The following MAP3K14 variants were observed in gnomAD, a reference collection of about 807,000 sequenced individuals.
The protein encoded by MAP3K14 is mitogen-activated protein kinase kinase kinase 14.
MAP3K14 carries 16 observed loss-of-function variants against 99.2 expected under a neutral mutation model. The observed-to-expected ratio is 0.16, with a 90% CI of 0.11 to 0.24. The LOEUF is 0.24. MAP3K14 is among the 10% of genes least tolerant of loss of function. The pLI is 1.00. For missense variants in MAP3K14, 784 were observed against 1,208.7 expected (o/e 0.65, Z 5.21); for synonymous variants, 462 against 492.4 (o/e 0.94, Z 0.82).
chr17:45,300,944 A>G (rs1415013227), intron 1 of MAP3K14, among the ~76,000 whole-genome samples: 1 of 152,046 alleles, frequency 6.6e-6, no homozygotes, highest in African/African-American at 2.4e-5. Context: ...AGGCAGGAGG[A>G]TTGCTTGAGT....
chr17:45,289,339 G>GA (rs750005140), intron 2 of MAP3K14, 34 bp from the exon 3 acceptor site: 14 of 1,562,014 alleles, frequency 9.0e-6, no homozygotes, highest in South Asian at 7.8e-5. Flanking sequence ...GCAGAGAGGA[G>GA]AAAAAATAGG....
chr17:45,273,865 G>A (rs908583700), intron 8 of MAP3K14: 4 of 642,032 alleles, frequency 6.2e-6, no homozygotes, highest in South Asian at 1.8e-5. Context: ...GCTCGCCTGC[G>A]CCGACCCCAT....
chr17:45,275,100 G>C (rs1025033946), intron 6 of MAP3K14, among the ~76,000 whole-genome samples: 36 of 150,714 alleles, frequency 2.4e-4, no homozygotes, highest in East Asian at 2.4e-3. Flanking sequence ...GATTGCGCCA[G>C]TGCACTCCAG....
intron 1 of MAP3K14, among the ~76,000 whole-genome samples, chr17:45,293,652 C>T (rs1033700700): frequency 6.6e-6 from 1 of 152,182 alleles, no homozygotes; most frequent in Non-Finnish European, 1.5e-5. Flanking sequence ...CTCTCAGGGG[C>T]ACAAATCACG....
rs1330841533 is a variant in MAP3K14, at chr17:45,267,523, ACTC to A, written c.2206_2208del (p.Glu736del). 6.2e-7 allele frequency: 1 copy of A among 1,612,462 alleles called. No individual in the cohort carries two copies. Among genetic ancestry groups the A allele is most frequent in the Admixed American group, 1.7e-5 (1 of 59,816 alleles). On this transcript the variant is annotated inframe_deletion, in exon 12 of 16. Coordinates refer to ENST00000344686, the MANE Select transcript of MAP3K14 (RefSeq NM_003954.5). The surrounding 1 kb of genome is among the most constrained non-coding windows in gnomAD (Gnocchi z 5.1). ...AGAGGTAAGGGTTCCCACATCCCAGACTCCTCCTTGCTCAAAGTCAAGGGAGGA... is the reference window on the plus strand; with the variant it reads ...AGAGGTAAGGGTTCCCACATCCCAGACTCCTTGCTCAAAGTCAAGGGAGGA...
At chr17:45,313,373 T>G (rs2044499340) in intron 1 of MAP3K14, among the ~76,000 whole-genome samples, 1 of 152,250 alleles carries the variant, frequency 6.6e-6, no homozygotes, top group Non-Finnish European at 1.5e-5. Context: ...TGTTCTGTGC[T>G]GGGCACTGGG....
chr17:45,289,158 C>A, intron 3 of MAP3K14, 78 bp downstream of exon 3: 1 of 1,294,522 alleles, frequency 7.7e-7, no homozygotes. Flanking sequence ...TCAGCAGGAG[C>A]GGCCCAGGCA....
chr17:45,264,534 G>A lies in MAP3K14; in HGVS notation c.*102C>T, dbSNP rs2044054245. 1.4e-6 allele frequency: 2 copies of A among 1,392,102 alleles called. No homozygotes were observed. The highest frequency in any genetic ancestry group is 1.9e-6 in the Non-Finnish European group (2 of 1,057,216). 86.2% of individuals were successfully genotyped at this position (1,392,102 alleles called of 1,614,324 possible). A position where few individuals can be genotyped will look rare whatever the true frequency, so the allele number is the denominator to read the frequency against. On this transcript the variant is annotated 3_prime_UTR_variant, in exon 16 of 16. Transcript: ENST00000344686. Reference sequence around the variant, plus strand: ...TGGTCCCACTGCTGAGCCGGGGGCTGGCAGATCCCTGGGAACGGCTGAGCC... The same window carrying A: ...TGGTCCCACTGCTGAGCCGGGGGCTAGCAGATCCCTGGGAACGGCTGAGCC...
intron 6 of MAP3K14, among the ~76,000 whole-genome samples, chr17:45,283,586 G>A (rs2044240355): frequency 6.6e-6 from 1 of 152,214 alleles, no homozygotes; most frequent in Admixed American, 6.5e-5. Flanking sequence ...GGCAGCGTCT[G>A]CTCTGAATGG....
At chr17:45,315,303 G>C (rs2044521342) in intron 1 of MAP3K14, among the ~76,000 whole-genome samples, 1 of 152,064 alleles carries the variant, frequency 6.6e-6, no homozygotes, top group Non-Finnish European at 1.5e-5. Context: ...CTTCAGAACT[G>C]CTTCTTATAA....
chr17:45,312,652 C>T (rs2044491000), intron 1 of MAP3K14, among the ~76,000 whole-genome samples: 1 of 152,184 alleles, frequency 6.6e-6, no homozygotes, highest in African/African-American at 2.4e-5. Context: ...AGTGATCCTC[C>T]CGCCTCAGCC....
intron 1 of MAP3K14, among the ~76,000 whole-genome samples, chr17:45,294,145 C>T (rs1421629978): frequency 6.6e-6 from 1 of 152,238 alleles, no homozygotes; most frequent in East Asian, 1.9e-4. Context: ...TTATTCACGC[C>T]CCAAAGGCAT....
chr17:45,298,794 A>C (rs1459599831), intron 1 of MAP3K14, among the ~76,000 whole-genome samples: 2 of 152,208 alleles, frequency 1.3e-5, no homozygotes, highest in African/African-American at 2.4e-5. Flanking sequence ...TCCCTTGAGG[A>C]TCTTACAGTC....
rs922237736 is a variant in MAP3K14, at chr17:45,287,280, C to G, written c.411G>C (p.Lys137Asn). ...GKMARVCWKG[K>N]RRSKARKKRK... ...GTTTCTTCCGGGCTTTGCTGCGACG[C>G]TTTCCCTTCCAACACACACGGGCCA... Residue 137 changes from lysine to asparagine, a missense_variant, in exon 4 of 16, where the codon AAG (lysine) becomes AAC (asparagine). Around this residue, in one of 5 missense-constraint regions of MAP3K14, gnomAD observed 188 missense variants for 313.0 expected, o/e 0.60. Coordinates refer to ENST00000344686, the MANE Select transcript of MAP3K14 (RefSeq NM_003954.5). 3.7e-6 allele frequency: 6 copies of G among 1,613,926 alleles called. No individual in the cohort carries two copies. The highest frequency in any genetic ancestry group is 5.1e-6 in the Non-Finnish European group (6 of 1,179,912).
At position 45,264,181 on chromosome 17, in the gene MAP3K14, T is replaced by C; in HGVS notation, c.*455A>G. 6.4e-6 allele frequency: 1 copy of C among 156,960 alleles called. No individual in the cohort carries two copies. Among genetic ancestry groups the C allele is most frequent in the Non-Finnish European group, 1.4e-5 (1 of 71,100 alleles). The allele number at this position is 156,960 out of a possible 1,614,324, so 9.7% of individuals were successfully genotyped here. On this transcript the variant is annotated 3_prime_UTR_variant, in exon 16 of 16. Coordinates refer to ENST00000344686, the MANE Select transcript of MAP3K14 (RefSeq NM_003954.5). ...GCGGGCATACCTGCTGACCTGGTTC[T>C]GCACTGAACCTGAGTTTGGGCCCTT...
rs59923704 is a variant in MAP3K14, at chr17:45,302,383, C to T, written c.-20-11618G>A. ...AGTGCAACGGTGCGATCTTGGCTTA[C>T]TGCAACTTCCGCCTCTTGGGTTCAA... On this transcript the variant is annotated intron_variant, in intron 1 of 15. Transcript: ENST00000344686. Among the ~76,000 whole-genome samples the T allele has an allele frequency of 9.8e-5, 15 of 152,286 alleles. No individual in the cohort carries two copies. In the East Asian group the frequency reaches 2.9e-3, roughly 29 times the overall value.
chr17:45,267,318 C>T lies in MAP3K14; in HGVS notation c.2326+88G>A, dbSNP rs1407078282. ...GCTGGGGAAGGGGCTGGAAGAAAGCCCACACCGCAGGTAAAGAGAAACACC... is the reference window on the plus strand; with the variant it reads ...GCTGGGGAAGGGGCTGGAAGAAAGCTCACACCGCAGGTAAAGAGAAACACC... On this transcript the variant is annotated intron_variant, in intron 12 of 15. Coordinates refer to ENST00000344686, the MANE Select transcript of MAP3K14 (RefSeq NM_003954.5). This position sits in a 1 kb window ranked among gnomAD's most constrained non-coding sequence, Gnocchi z 5.1. 1.4e-6 allele frequency: 2 copies of T among 1,454,880 alleles called. No individual in the cohort carries two copies. The highest frequency in any genetic ancestry group is 5.0e-5 in the East Asian group (2 of 40,360). The allele number at this position is 1,454,880 out of a possible 1,614,324, so 90.1% of individuals were successfully genotyped here. A position where few individuals can be genotyped will look rare whatever the true frequency, so the allele number is the denominator to read the frequency against.
intron 6 of MAP3K14, among the ~76,000 whole-genome samples, chr17:45,277,188 A>G (rs1342957274): frequency 4.6e-5 from 7 of 152,016 alleles, no homozygotes; most frequent in Admixed American, 4.6e-4. Context: ...GTTTTAGGGT[A>G]CATGTGCACA....
Position 45,290,734 on chromosome 17 carries a change from C to T in MAP3K14, c.12G>A (p.Met4Ile), listed in dbSNP as rs1431588452. Reference protein sequence around the residue: MAVMEMACPGAPGS... With the variant: MAVIEMACPGAPGS... ...CAGGGGCACCTGGGCAGGCCATTTCCATCACTGCCATCTCCCAGGCTTGTG... is the reference window on the plus strand; with the variant it reads ...CAGGGGCACCTGGGCAGGCCATTTCTATCACTGCCATCTCCCAGGCTTGTG... The change falls in exon 2 of 16, where the codon ATG (methionine) becomes ATA (isoleucine). Residue 4 changes from methionine (M) to isoleucine (I), a missense_variant. This residue lies in a region of MAP3K14 where 188 missense variants were observed against 313.0 expected (regional missense o/e 0.60). Coordinates refer to ENST00000344686, the MANE Select transcript of MAP3K14 (RefSeq NM_003954.5). 2 of 1,613,078 alleles carry T rather than the reference C, an allele frequency of 1.2e-6. No individual in the cohort carries two copies. Among genetic ancestry groups the T allele is most frequent in the Non-Finnish European group, 1.7e-6 (2 of 1,179,440 alleles).
Sources: allele counts gnomAD v4.1 joint callset (sites outside exome capture counted in the v4.1 genomes callset), GRCh38; gene constraint gnomAD v4.1.1; regional missense constraint gnomAD v4.1.1; non-coding constraint Gnocchi (gnomAD v3.1); transcripts MANE v1.5; gene names NCBI Gene and HGNC (gene_info 2026-07-23, HGNC 2026-07-21).